The following CD200R1 variants were observed in gnomAD, a reference collection of about 807,000 sequenced individuals.
CD200R1 encodes the protein cell surface glycoprotein CD200 receptor 1.
CD200R1 carries 30 observed loss-of-function variants against 38.1 expected under a neutral mutation model. The observed-to-expected ratio is 0.79, with a 90% CI of 0.59 to 1.07. The LOEUF is 1.07. CD200R1 is among the 50% of genes least tolerant of loss of function. The probability of loss-of-function intolerance (pLI) is 0.00; values close to 1 mark genes in which losing one functional copy is unlikely to be tolerated. For missense variants in CD200R1, 372 were observed against 415.4 expected (o/e 0.90, Z 0.91); for synonymous variants, 128 against 152.1 (o/e 0.84, Z 1.16).
rs532970921 is a variant in CD200R1, at chr3:112,963,823, T to C, written c.67+10968A>G. ...CAAGGTGGAAAATGTCTCCAGGGCATGTCAGAGGCCTTCACAGCAGCCCCT... is the reference window on the plus strand; with the variant it reads ...CAAGGTGGAAAATGTCTCCAGGGCACGTCAGAGGCCTTCACAGCAGCCCCT... On this transcript the variant is annotated intron_variant, in intron 1 of 7. Coordinates refer to ENST00000308611, the MANE Select transcript of CD200R1 (RefSeq NM_138806.4). Among the ~76,000 whole-genome samples, 50 of 152,230 alleles carry C rather than the reference T, an allele frequency of 3.3e-4. No homozygotes were observed. In the Middle Eastern group the frequency reaches 0.01, roughly 31 times the overall value.
chr3:112,960,185 T>C (rs1314759067), intron 1 of CD200R1, among the ~76,000 whole-genome samples: 1 of 152,030 alleles, frequency 6.6e-6, no homozygotes, highest in Non-Finnish European at 1.5e-5. Context: ...CATATGGCTT[T>C]TTCCTCATCA....
In CD200R1 at chr3:112,923,677, T is replaced by G; in HGVS notation, c.1047A>C (p.Ter349TyrextTer5). The change falls in exon 8 of 8, where the codon TAA (stop) becomes TAC (tyrosine). Residue 349 changes from the stop codon to tyrosine, a stop_lost. Transcript: ENST00000308611. ...TTTCTTGGTACTAGAGTCCAACAAC[T>G]TATAAAGTATGGAGGTCTGTGTCAA... ...SEVDTDLHTL[*>Y] The G allele has an allele frequency of 6.8e-7, 1 of 1,462,752 alleles. No individual in the cohort carries two copies. Among genetic ancestry groups the G allele is most frequent in the South Asian group, 1.2e-5 (1 of 85,096 alleles). The allele number at this position is 1,462,752 out of a possible 1,614,324, so 90.6% of individuals were successfully genotyped here. A position where few individuals can be genotyped will look rare whatever the true frequency, so the allele number is the denominator to read the frequency against.
chr3:112,931,155 A>G lies in CD200R1; in HGVS notation c.153T>C (p.Cys51=), dbSNP rs1940424869. The change falls in exon 3 of 8, where the codon TGT becomes TGC. Residue 51 remains cysteine, a synonymous_variant. Coordinates refer to ENST00000308611, the MANE Select transcript of CD200R1 (RefSeq NM_138806.4). ...TCTGTGTAATCTGTTTTTCATCCAT[A>G]CATAAACTGCTTGAAGCTAGAAAAT... is the stretch of plus-strand genomic sequence containing the variant. ...ENHALASSSL[C]MDEKQITQNY... is the part of the protein sequence containing the mutation. The G allele has an allele frequency of 6.2e-7, 1 of 1,604,518 alleles. No homozygotes were observed. Among genetic ancestry groups the G allele is most frequent in the Non-Finnish European group, 8.5e-7 (1 of 1,171,246 alleles).
At chr3:112,953,932 T>C (rs1276396442) in intron 1 of CD200R1, among the ~76,000 whole-genome samples, 2 of 152,120 alleles carry the variant, frequency 1.3e-5, no homozygotes, top group African/African-American at 4.8e-5. Flanking sequence ...TTTTCTAGTC[T>C]CTATTTTATT....
Position 112,975,020 on chromosome 3 carries a change from C to A in CD200R1, c.-163G>T, listed in dbSNP as rs958400952. ...CCCTTCCTTCTAGCCCCTTCCTTCACGTCTATGTGGTTTAGCCTGGTTAGT... is the reference window on the plus strand; with the variant it reads ...CCCTTCCTTCTAGCCCCTTCCTTCAAGTCTATGTGGTTTAGCCTGGTTAGT... On this transcript the variant is annotated 5_prime_UTR_variant, in exon 1 of 8. Coordinates refer to ENST00000308611, the MANE Select transcript of CD200R1 (RefSeq NM_138806.4). 4 of 618,300 alleles carry A rather than the reference C, an allele frequency of 6.5e-6. No individual in the cohort carries two copies. Among genetic ancestry groups the A allele is most frequent in the East Asian group, 5.5e-5 (2 of 36,582 alleles). The allele number at this position is 618,300 out of a possible 1,614,324, so 38.3% of individuals were successfully genotyped here.
At chr3:112,970,333 C>T (rs1052060554) in intron 1 of CD200R1, among the ~76,000 whole-genome samples, 1 of 152,074 alleles carries the variant, frequency 6.6e-6, no homozygotes, top group Admixed American at 6.6e-5. Context: ...AATGCATGAA[C>T]AATATCATTT....
At chr3:112,945,160 T>G (rs1054968911) in intron 2 of CD200R1, among the ~76,000 whole-genome samples, 11 of 152,196 alleles carry the variant, frequency 7.2e-5, no homozygotes, top group Non-Finnish European at 1.6e-4. Flanking sequence ...ACTTGATCTA[T>G]GTATTCAACA....
chr3:112,967,081 C>A (rs1933183055), intron 1 of CD200R1, among the ~76,000 whole-genome samples: 1 of 152,094 alleles, frequency 6.6e-6, no homozygotes, highest in Non-Finnish European at 1.5e-5. Context: ...TACACCCATG[C>A]ATTCCCTTCT....
In CD200R1 at chr3:112,939,756, C is replaced by T. The variant is rs548799035; in HGVS notation, c.136+8100G>A. On this transcript the variant is annotated intron_variant, in intron 2 of 7. Transcript: ENST00000308611. ...AATAAATGTAATTACTATCAAGATA[C>T]CAATGAAGTGTCATTTCATTTAACA... Among the ~76,000 whole-genome samples the T allele has an allele frequency of 8.5e-4, 129 of 151,106 alleles. 1 individual carries two copies. Among genetic ancestry groups the T allele is most frequent in the African/African-American group, 3.0e-3 (122 of 41,284 alleles).
At chr3:112,934,841 C>T (rs1255455873) in intron 2 of CD200R1, among the ~76,000 whole-genome samples, 3 of 151,916 alleles carry the variant, frequency 2.0e-5, no homozygotes, top group African/African-American at 7.3e-5. Context: ...AAAAAACCAA[C>T]TATATGCCAC....
intron 1 of CD200R1, among the ~76,000 whole-genome samples, chr3:112,953,451 G>A (rs1941015297): frequency 6.6e-6 from 1 of 152,074 alleles, no homozygotes; most frequent in African/African-American, 2.4e-5. Flanking sequence ...TGGGTGTGAG[G>A]GTAATTCTGG....
intron 1 of CD200R1, among the ~76,000 whole-genome samples, chr3:112,971,202 T>A (rs1330780285): frequency 6.6e-6 from 1 of 152,212 alleles, no homozygotes; most frequent in Non-Finnish European, 1.5e-5. Context: ...CTCACATACT[T>A]TCAATCATCT....
intron 1 of CD200R1, among the ~76,000 whole-genome samples, chr3:112,968,997 T>G (rs1170304708): frequency 1.3e-5 from 2 of 152,186 alleles, no homozygotes; most frequent in South Asian, 2.1e-4. Context: ...CAACTTCAAG[T>G]TGACCCAGAC....
intron 2 of CD200R1, among the ~76,000 whole-genome samples, chr3:112,935,467 C>T (rs1399885239): frequency 6.6e-6 from 1 of 152,088 alleles, no homozygotes; most frequent in East Asian, 1.9e-4. Flanking sequence ...GAAAGTTAAA[C>T]AGCATGTTCC....
intron 1 of CD200R1, among the ~76,000 whole-genome samples, chr3:112,971,094 G>A (rs1933297965): frequency 6.6e-6 from 1 of 151,582 alleles, no homozygotes; most frequent in Non-Finnish European, 1.5e-5. Context: ...AGTGTCCTTG[G>A]GGGATTAGTT....
chr3:112,949,890 C>T (rs1940939877), intron 1 of CD200R1, among the ~76,000 whole-genome samples: 1 of 152,196 alleles, frequency 6.6e-6, no homozygotes, highest in Non-Finnish European at 1.5e-5. Flanking sequence ...GGGCTTAGAA[C>T]AGTGGCCTGC....
At chr3:112,959,207 A>G (rs1932949597) in intron 1 of CD200R1, among the ~76,000 whole-genome samples, 1 of 152,182 alleles carries the variant, frequency 6.6e-6, no homozygotes, top group South Asian at 2.1e-4. Flanking sequence ...AATAGTTAAC[A>G]TTGTTGCTAA....
chr3:112,947,742 T>A (rs752643521), intron 2 of CD200R1, 114 bp downstream of exon 2: 4 of 622,324 alleles, frequency 6.4e-6, no homozygotes, highest in African/African-American at 1.8e-5. Flanking sequence ...TTAAATATAA[T>A]ATCATTTAGA....
At chr3:112,955,272 A>C (rs1278508669) in intron 1 of CD200R1, among the ~76,000 whole-genome samples, 2 of 152,126 alleles carry the variant, frequency 1.3e-5, no homozygotes, top group Non-Finnish European at 2.9e-5. Flanking sequence ...ATGTAGTTTA[A>C]ATGTGATGTC....
Sources: gnomAD v4.1 joint callset for allele counts (sites outside exome capture counted in the v4.1 genomes callset) on GRCh38, gnomAD v4.1.1 for gene constraint, MANE v1.5 for transcripts, NCBI Gene and HGNC (gene_info 2026-07-23, HGNC 2026-07-21) for gene names.